RABGGTA: variants seen among roughly 807,000 people sequenced by gnomAD.
RABGGTA encodes geranylgeranyl transferase type-2 subunit alpha.
Under a neutral mutation model 83.3 loss-of-function variants are expected in RABGGTA, and 69 were observed. That is an observed-to-expected ratio of 0.83 (90% CI 0.68 to 1.01). The LOEUF is 1.01. Ranked by LOEUF, RABGGTA falls within the 50% of genes least tolerant of loss-of-function variation. RABGGTA has a pLI of 0.00. For missense variants in RABGGTA, 681 were observed against 712.7 expected (o/e 0.96, Z 0.51); for synonymous variants, 310 against 299.8 (o/e 1.03, Z -0.35).
Position 24,270,955 on chromosome 14 carries a change from G to A in RABGGTA, c.4-8C>T. ...CACCTTCAGGCGTCCGTGCTACAAG[G>A]ATGAACGGGTTGGAAGAGTGCAGGT... On this transcript the variant is annotated splice_polypyrimidine_tract_variant and splice_region_variant and intron_variant, in intron 2 of 16. Transcript: ENST00000216840. 6.2e-7 allele frequency: 1 copy of A among 1,613,400 alleles called. No individual in the cohort carries two copies. Among genetic ancestry groups the A allele is most frequent in the Non-Finnish European group, 8.5e-7 (1 of 1,179,622 alleles).
At chr14:24,271,202 C>A (rs2040945718) in intron 1 of RABGGTA, 33 bp from the exon 2 acceptor site, 3 of 1,434,250 alleles carry the variant, frequency 2.1e-6, no homozygotes, top group Non-Finnish European at 2.8e-6. Context: ...CGTAGCCCCG[C>A]CCCTACTAGC....
chr14:24,270,701 T>G (rs2040936640), intron 3 of RABGGTA, 136 bp downstream of exon 3: 1 of 1,323,290 alleles, frequency 7.6e-7, no homozygotes, highest in African/African-American at 1.5e-5. Context: ...ATTCAGCAAC[T>G]TGCCCAAAGT....
Position 24,268,182 on chromosome 14 carries a change from C to T in RABGGTA, c.1075G>A (p.Glu359Lys). ...EQLFRCELSV[E>K]KSTVLQSELE... ...TCAGACTGCAGCACTGTGGACTTCT[C>T]CACTGACAGCTCACACCTGAGGGTG... The change falls in exon 12 of 17, where the codon GAG (glutamate) becomes AAG (lysine). Residue 359 changes from glutamate (E) to lysine (K), a missense_variant. Transcript: ENST00000216840. The T allele has an allele frequency of 6.2e-7, 1 of 1,613,750 alleles. No homozygotes were observed. Among genetic ancestry groups the T allele is most frequent in the Non-Finnish European group, 8.5e-7 (1 of 1,179,774 alleles).
chr14:24,268,942 C>T lies in RABGGTA; in HGVS notation c.767G>A (p.Cys256Tyr). 1.3e-6 allele frequency: 2 copies of T among 1,587,942 alleles called. No homozygotes were observed. The highest frequency in any genetic ancestry group is 1.3e-5 in the African/African-American group (1 of 74,576). ...GGGCCGAGAGAAGGAGACAGTCAGA[C>T]AGGCCTCGTCCCGGCTCACATGCAG... ...RCLHVSRDEA[C>Y]LTVSFSRPLL... Residue 256 changes from cysteine to tyrosine, a missense_variant, in exon 8 of 17, where the codon TGT becomes TAT. Cys to Tyr is a radical substitution (Grantham distance 194). Around this residue, in one of 5 missense-constraint regions of RABGGTA, gnomAD observed 421 missense variants for 418.5 expected, o/e 1.01. Coordinates refer to ENST00000216840, the MANE Select transcript of RABGGTA (RefSeq NM_182836.3).
chr14:24,266,347 C>G, intron 16 of RABGGTA, 83 bp downstream of exon 16: 1 of 1,303,200 alleles, frequency 7.7e-7, no homozygotes, highest in South Asian at 1.2e-5. Context: ...GAGGGTGGCA[C>G]ATACCCTGCC....
Position 24,269,608 on chromosome 14 carries a change from T to C in RABGGTA, c.514A>G (p.Thr172Ala). 6.2e-7 allele frequency: 1 copy of C among 1,613,816 alleles called. No individual in the cohort carries two copies. Among genetic ancestry groups the C allele is most frequent in the Non-Finnish European group, 8.5e-7 (1 of 1,179,780 alleles). The change falls in exon 6 of 17, where the codon ACC becomes GCC. Residue 172 changes from threonine (T) to alanine (A), a missense_variant. This residue lies in a region of RABGGTA where 122 missense variants were observed against 118.9 expected (regional missense o/e 1.03). Transcript: ENST00000216840. ...GAAGAGTAGTTGGAGAAGTTTCGGG[T>C]GATGAGGCTGTCAGTGAAGGCTAGC... is the stretch of plus-strand genomic sequence containing the variant. ...EELAFTDSLI[T>A]RNFSNYSSWH... is the part of the protein sequence containing the mutation.
Position 24,266,256 on chromosome 14 carries a change from T to C in RABGGTA, c.1555+174A>G, listed in dbSNP as rs116783651. Among the ~76,000 whole-genome samples the C allele has an allele frequency of 2.5e-3, 380 of 152,268 alleles. 3 individuals carry two copies. The highest frequency in any genetic ancestry group is 8.7e-3 in the African/African-American group (363 of 41,554). On this transcript the variant is annotated intron_variant, in intron 16 of 16. Coordinates refer to ENST00000216840, the MANE Select transcript of RABGGTA (RefSeq NM_182836.3). ...AGTCCACTCCGCACAACTCCACCAG[T>C]GCAGGTCAGTGATAGCCCGACAGCC...
At position 24,267,607 on chromosome 14, in the gene RABGGTA, T is replaced by C. The variant is rs1594580532; in HGVS notation, c.1353+53A>G. On this transcript the variant is annotated intron_variant, in intron 14 of 16. Coordinates refer to ENST00000216840, the MANE Select transcript of RABGGTA (RefSeq NM_182836.3). ...GAGACTGGGGGCAAAGTCAGGGACG[T>C]GGGGAGGCCAGCGGGATGAGGGCCA... is the stretch of plus-strand genomic sequence containing the variant. The C allele has an allele frequency of 6.2e-6, 9 of 1,459,416 alleles. No individual in the cohort carries two copies. In the East Asian group the frequency reaches 2.1e-4, roughly 34 times the overall value. The allele number at this position is 1,459,416 out of a possible 1,614,324, so 90.4% of individuals were successfully genotyped here.
chr14:24,268,075 C>A, intron 12 of RABGGTA, 35 bp downstream of exon 12: 15 of 1,611,770 alleles, frequency 9.3e-6, no homozygotes, highest in African/African-American at 1.3e-5. Flanking sequence ...CCTCAGCGGG[C>A]TCTGGGAGCA....
chr14:24,266,720 G>T, intron 15 of RABGGTA, 56 bp downstream of exon 15: 1 of 1,485,104 alleles, frequency 6.7e-7, no homozygotes, highest in East Asian at 2.3e-5. Flanking sequence ...GACTTCTGAG[G>T]GAGAGGAAGA....
rs779039301 is a variant in RABGGTA, at chr14:24,266,659, A to G, written c.1467+117T>C. The G allele has an allele frequency of 4.1e-6, 5 of 1,216,776 alleles. No individual in the cohort carries two copies. The Admixed American group carries it at 8.8e-5, about 21-fold the overall frequency. 75.4% of individuals were successfully genotyped at this position (1,216,776 alleles called of 1,614,324 possible). ...TGCGTGATGGAGGTGGAAGGCACGC[A>G]GTTACCTGTTCGGGGTGGAGGGTCC... On this transcript the variant is annotated intron_variant, in intron 15 of 16. Transcript: ENST00000216840.
chr14:24,270,533 C>T, intron 3 of RABGGTA, 75 bp from the exon 4 acceptor site: 1 of 1,557,440 alleles, frequency 6.4e-7, no homozygotes, highest in Middle Eastern at 1.7e-4. Flanking sequence ...AACTTAAAAC[C>T]ATCCAATATT....
rs1223512550 is a variant in RABGGTA, at chr14:24,268,939, A to G, written c.770T>C (p.Leu257Pro). The change falls in exon 8 of 17, where the codon CTG becomes CCG. Residue 257 changes from leucine (L) to proline (P), a missense_variant. Transcript: ENST00000216840. Reference sequence around the variant, plus strand: ...GAGGGGCCGAGAGAAGGAGACAGTCAGACAGGCCTCGTCCCGGCTCACATG... The same window carrying G: ...GAGGGGCCGAGAGAAGGAGACAGTCGGACAGGCCTCGTCCCGGCTCACATG... ...CLHVSRDEAC[L>P]TVSFSRPLLV... 2.5e-6 allele frequency: 4 copies of G among 1,588,568 alleles called. No individual in the cohort carries two copies. Among genetic ancestry groups the G allele is most frequent in the Non-Finnish European group, 3.4e-6 (4 of 1,166,394 alleles).
intron 4 of RABGGTA, 39 bp from the exon 5 acceptor site, chr14:24,270,179 A>G: frequency 1.3e-6 from 2 of 1,576,990 alleles, no homozygotes; most frequent in African/African-American, 2.7e-5. Flanking sequence ...GGGCTCTCCT[A>G]CAGTCAACCT....
Position 24,268,806 on chromosome 14 carries a change from G to C in RABGGTA, c.819C>G (p.Ile273Met). ...GAGAATCATCAACCATGAGCAGCAA[G>C]ATCTCCATCCTGGAGCCCACCTGGC... ...RPLLVGSRME[I>M]LLLMVDDSPL... Residue 273 changes from isoleucine (I) to methionine (M), a missense_variant, in exon 9 of 17, where the codon ATC becomes ATG. By Grantham distance (10) the Ile-to-Met change is conservative (BLOSUM62 1). Around this residue, in one of 5 missense-constraint regions of RABGGTA, gnomAD observed 421 missense variants for 418.5 expected, o/e 1.01. Coordinates refer to ENST00000216840, the MANE Select transcript of RABGGTA (RefSeq NM_182836.3). The C allele has an allele frequency of 6.4e-7, 1 of 1,570,712 alleles. No homozygotes were observed. Among genetic ancestry groups the C allele is most frequent in the Non-Finnish European group, 8.6e-7 (1 of 1,157,956 alleles).
intron 1 of RABGGTA, 116 bp from the exon 2 acceptor site, chr14:24,271,285 G>A: frequency 1.2e-6 from 1 of 836,990 alleles, no homozygotes; most frequent in African/African-American, 1.7e-5. Context: ...GAGGTCCTGG[G>A]ACAGGCTTTG....
chr14:24,270,240 G>A, intron 4 of RABGGTA, 94 bp downstream of exon 4: 4 of 1,564,768 alleles, frequency 2.6e-6, no homozygotes, highest in Non-Finnish European at 3.5e-6. Context: ...CTCCATCTAT[G>A]CCACTGGCTG....
chr14:24,269,683 C>A lies in RABGGTA; in HGVS notation c.439G>T (p.Asp147Tyr). 6.2e-7 allele frequency: 1 copy of A among 1,613,916 alleles called. No homozygotes were observed. Among genetic ancestry groups the A allele is most frequent in the Non-Finnish European group, 8.5e-7 (1 of 1,179,824 alleles). Reference sequence around the variant, plus strand: ...TGTGTGGCCACAAACCGCCGATAGTCCCAGCAGTGAACTGGAGGGGAGAGG... The same window carrying A: ...TGTGTGGCCACAAACCGCCGATAGTACCAGCAGTGAACTGGAGGGGAGAGG... ...EVDERNFHCW[D>Y]YRRFVATQAA... Residue 147 changes from aspartate (D) to tyrosine (Y), a missense_variant, in exon 6 of 17, where the codon GAC becomes TAC. This residue lies in a region of RABGGTA where 122 missense variants were observed against 118.9 expected (regional missense o/e 1.03). Transcript: ENST00000216840.
chr14:24,266,791 G>C lies in RABGGTA; in HGVS notation c.1452C>G (p.Ala484=). 6.2e-7 allele frequency: 1 copy of C among 1,613,394 alleles called. No homozygotes were observed. The highest frequency in any genetic ancestry group is 1.7e-5 in the Admixed American group (1 of 60,028). The change falls in exon 15 of 17, where the codon GCC becomes GCG. Residue 484 remains alanine, a synonymous_variant. Transcript: ENST00000216840. ...RLRTLPPALA[A]LRCLEVLQAS... is the part of the protein sequence containing the mutation. ...GGTACTTTACCTCAAGGCAGCGCAGGGCAGCCAGTGCAGGTGGCAGGGTTC... is the reference window on the plus strand; with the variant it reads ...GGTACTTTACCTCAAGGCAGCGCAGCGCAGCCAGTGCAGGTGGCAGGGTTC...
Sources: allele counts gnomAD v4.1 joint callset (sites outside exome capture counted in the v4.1 genomes callset), GRCh38; gene constraint gnomAD v4.1.1; regional missense constraint gnomAD v4.1.1; transcripts MANE v1.5; gene names NCBI Gene and HGNC (gene_info 2026-07-23, HGNC 2026-07-21).